Variants in GRHL2 observed in about 807,000 individuals in gnomAD.
The protein encoded by GRHL2 is grainyhead-like protein 2 homolog.
GRHL2 carries 21 observed loss-of-function variants against 83.8 expected under a neutral mutation model. The observed-to-expected ratio is 0.25, with a 90% CI of 0.18 to 0.36. The LOEUF is 0.36. GRHL2 is among the 10% of genes least tolerant of loss of function. The pLI is 1.00. For missense variants in GRHL2, 623 were observed against 781.8 expected (o/e 0.80, Z 2.42); for synonymous variants, 280 against 278.9 (o/e 1.00, Z -0.04).
At chr8:101,614,338 A>G (rs1007103877) in intron 8 of GRHL2, among the ~76,000 whole-genome samples, 11 of 151,200 alleles carry the variant, frequency 7.3e-5, no homozygotes. Flanking sequence ...ACTGATGACA[A>G]AATTAAAATT....
At position 101,573,944 on chromosome 8, in the gene GRHL2, C is replaced by T. The variant is rs575580309; in HGVS notation, c.891+120C>T. The T allele has an allele frequency of 6.1e-5, 71 of 1,170,748 alleles. No individual in the cohort carries two copies. In the African/African-American group the frequency reaches 6.5e-4, roughly 11 times the overall value. The allele number at this position is 1,170,748 out of a possible 1,614,324, so 72.5% of individuals were successfully genotyped here. A position where few individuals can be genotyped will look rare whatever the true frequency, so the allele number is the denominator to read the frequency against. ...ACCTTCAACATAAATAATTCTAGAA[C>T]GAATGTCAGAGAGTTGGGGCAAGAG... is the stretch of plus-strand genomic sequence containing the variant. On this transcript the variant is annotated intron_variant, in intron 6 of 15. Coordinates refer to ENST00000646743, the MANE Select transcript of GRHL2 (RefSeq NM_024915.4).
intron 1 of GRHL2, among the ~76,000 whole-genome samples, chr8:101,538,740 T>A (rs939445535): frequency 2.6e-5 from 4 of 152,242 alleles, no homozygotes; most frequent in Admixed American, 2.0e-4. Flanking sequence ...TCTACATTTT[T>A]GCTCAGTGTA....
intron 1 of GRHL2, among the ~76,000 whole-genome samples, chr8:101,538,494 A>T (rs1586073941): frequency 6.6e-6 from 1 of 152,310 alleles, no homozygotes; most frequent in South Asian, 2.1e-4. Context: ...TGCTCTGGCG[A>T]TCCCCAAAAT....
intron 1 of GRHL2, among the ~76,000 whole-genome samples, chr8:101,497,819 G>A (rs1358168183): frequency 6.6e-6 from 1 of 152,206 alleles, no homozygotes; most frequent in Non-Finnish European, 1.5e-5. Flanking sequence ...AAAGAAATCT[G>A]TGGACTTTTA....
At chr8:101,640,854 T>C (rs1260279652) in intron 12 of GRHL2, among the ~76,000 whole-genome samples, 1 of 152,098 alleles carries the variant, frequency 6.6e-6, no homozygotes, top group Non-Finnish European at 1.5e-5. Flanking sequence ...CTCAACTCTC[T>C]CCAAGACTTT....
At chr8:101,548,135 A>G (rs558466903) in intron 2 of GRHL2, among the ~76,000 whole-genome samples, 2 of 152,208 alleles carry the variant, frequency 1.3e-5, no homozygotes, top group East Asian at 3.9e-4. Flanking sequence ...TTGTTTGTCC[A>G]TCTATCCATC....
intron 1 of GRHL2, among the ~76,000 whole-genome samples, chr8:101,527,595 A>G (rs558383682): frequency 1.5e-4 from 23 of 152,308 alleles, no homozygotes; most frequent in Admixed American, 3.9e-4. Flanking sequence ...AGTGGCATAC[A>G]TTTCATTTCT....
intron 15 of GRHL2, among the ~76,000 whole-genome samples, chr8:101,666,087 C>G (rs1814048969): frequency 6.6e-6 from 1 of 152,174 alleles, no homozygotes; most frequent in South Asian, 2.1e-4. Flanking sequence ...GGCAATGACA[C>G]CTACCTTCAC....
At chr8:101,560,002 T>G (rs1368928649) in intron 4 of GRHL2, among the ~76,000 whole-genome samples, 1 of 152,090 alleles carries the variant, frequency 6.6e-6, no homozygotes, top group Non-Finnish European at 1.5e-5. Flanking sequence ...GTTCTTGCTT[T>G]TTTGTTTGTT....
chr8:101,559,517 C>A (rs188773248), intron 4 of GRHL2, among the ~76,000 whole-genome samples: 2 of 151,914 alleles, frequency 1.3e-5, no homozygotes, highest in African/African-American at 2.4e-5. Context: ...GTGACAAGAA[C>A]GAAACTCCAT....
chr8:101,594,069 CAAAAAAAAAAAAAAAA>C (rs534396520), intron 7 of GRHL2, among the ~76,000 whole-genome samples: 1 of 49,082 alleles, frequency 2.0e-5, no homozygotes, highest in Admixed American at 3.3e-4. Flanking sequence ...GAGTCTGTAT[CAAAAAAAAAAAAAAAA>C]AAAAAAAAAA....
rs755945724 is a variant in GRHL2 at position 101,499,342 on chromosome 8, C to T, written c.20+6553C>T. On this transcript the variant is annotated intron_variant, in intron 1 of 15. Transcript: ENST00000646743. Reference sequence around the variant, plus strand: ...AACTATGGTTACATAGTATTTTTCCCCTTCCTTACTTCCTCCCTTATTTAA... The same window carrying T: ...AACTATGGTTACATAGTATTTTTCCTCTTCCTTACTTCCTCCCTTATTTAA... Among the ~76,000 whole-genome samples, 39 of 152,056 alleles carry T rather than the reference C, an allele frequency of 2.6e-4. 2 individuals carry two copies. Among genetic ancestry groups the T allele is most frequent in the Admixed American group, 2.1e-3 (32 of 15,260 alleles).
chr8:101,679,685 G>A, the GRHL2 span, among the ~76,000 whole-genome samples: 1 of 151,488 alleles, frequency 6.6e-6, no homozygotes, highest in Non-Finnish European at 1.5e-5. Context: ...ACAAGGTCAG[G>A]TTACCCTCAA....
intron 8 of GRHL2, among the ~76,000 whole-genome samples, chr8:101,605,394 A>G (rs965266528): frequency 3.9e-5 from 6 of 152,218 alleles, no homozygotes; most frequent in East Asian, 1.9e-4. Flanking sequence ...GACTCTCCCA[A>G]TAGAGAGAAA....
chr8:101,670,261 G>A (rs1433516419), downstream of GRHL2, among the ~76,000 whole-genome samples: 2 of 152,192 alleles, frequency 1.3e-5, no homozygotes, highest in Non-Finnish European at 2.9e-5. Flanking sequence ...ACCACTCTGT[G>A]GAGCCACCCA....
intron 1 of GRHL2, among the ~76,000 whole-genome samples, chr8:101,520,991 A>T (rs758281702): frequency 6.6e-6 from 1 of 152,134 alleles, no homozygotes; most frequent in South Asian, 2.1e-4. Flanking sequence ...TCTAAATTAG[A>T]TCCTCCATCA....
chr8:101,504,975 G>GAAAA (rs34007500), intron 1 of GRHL2, among the ~76,000 whole-genome samples: 1 of 113,056 alleles, frequency 8.8e-6, no homozygotes, highest in Non-Finnish European at 1.9e-5. Context: ...ATTGCATTAG[G>GAAAA]AAAAAAAAAA....
rs577726166 is a variant in GRHL2, at chr8:101,632,434, A to G, written c.1485+69A>G. 1.9e-4 allele frequency: 296 copies of G among 1,579,208 alleles called. 1 individual carries two copies. The East Asian group carries it at 6.3e-3, about 34-fold the overall frequency. On this transcript the variant is annotated intron_variant, in intron 11 of 15. Transcript: ENST00000646743. ...GCAAGTAGGGCTTTAAGATAGAAGC[A>G]TTTCAGACAGTGTTGACCTCAAAAA... is the stretch of plus-strand genomic sequence containing the variant.
chr8:101,601,401 G>A (rs1278415723), intron 8 of GRHL2, among the ~76,000 whole-genome samples: 1 of 152,164 alleles, frequency 6.6e-6, no homozygotes. Flanking sequence ...AATGATGGAA[G>A]CTTCAGACTC....
Sources: allele counts gnomAD v4.1 joint callset (sites outside exome capture counted in the v4.1 genomes callset), GRCh38; gene constraint gnomAD v4.1.1; transcripts MANE v1.5; gene names NCBI Gene and HGNC (gene_info 2026-07-23, HGNC 2026-07-21).